Variants in ERBB4 observed in about 807,000 individuals in gnomAD.
ERBB4 encodes the protein receptor tyrosine-protein kinase erbB-4.
A neutral mutation model predicts 158.0 loss-of-function variants in ERBB4; 42 were observed. That is an observed-to-expected ratio of 0.27 (90% CI 0.21 to 0.34). The LOEUF (loss-of-function observed/expected upper bound fraction) is 0.34. Ranked by LOEUF, ERBB4 falls within the 10% of genes least tolerant of loss-of-function variation. ERBB4 has a pLI of 1.00. For missense variants in ERBB4, 1,333 were observed against 1,624.1 expected, an observed-to-expected ratio of 0.82 and a Z score of 3.08; for synonymous variants, 583 against 558.7, an observed-to-expected ratio of 1.04 and a Z score of -0.61.
rs994087621 is a variant in ERBB4 at position 211,551,385 on chromosome 2, T to G, written c.2487+10518A>C. Among the ~76,000 whole-genome samples the G allele has an allele frequency of 2.0e-5, 3 of 152,324 alleles. No homozygotes were observed. In the East Asian group the frequency reaches 5.8e-4, roughly 29 times the overall value. ...ATAATTACAATAAATTTATTTTGAT[T>G]TTAAGGGTGTATTGTCATTAAAGGG... On this transcript the variant is annotated intron_variant, in intron 20 of 27. Transcript: ENST00000342788.
At chr2:211,906,744 C>T (rs2079403658) in intron 3 of ERBB4, among the ~76,000 whole-genome samples, 1 of 151,620 alleles carries the variant, frequency 6.6e-6, no homozygotes, top group East Asian at 2.0e-4. Context: ...CTGTTATTCC[C>T]CTCTTTGTGT....
At chr2:211,876,786 G>A (rs2078514685) in intron 3 of ERBB4, among the ~76,000 whole-genome samples, 1 of 152,088 alleles carries the variant, frequency 6.6e-6, no homozygotes, top group Non-Finnish European at 1.5e-5. Flanking sequence ...GCTTTACACT[G>A]AAGATCGATC....
chr2:211,837,220 C>G (rs150097407), intron 3 of ERBB4, among the ~76,000 whole-genome samples: 266 of 152,158 alleles, frequency 1.7e-3, no homozygotes, highest in Non-Finnish European at 2.8e-3. Flanking sequence ...GATACTGAAT[C>G]TGTTCGATTC....
At chr2:211,471,107 A>C (rs1467936210) in intron 20 of ERBB4, among the ~76,000 whole-genome samples, 2 of 152,148 alleles carry the variant, frequency 1.3e-5, no homozygotes, top group East Asian at 3.9e-4. Flanking sequence ...AAGCCACTTA[A>C]GGAGGCCCGG....
intron 1 of ERBB4, among the ~76,000 whole-genome samples, chr2:212,350,482 AG>A (rs1481024571): frequency 3.9e-5 from 6 of 152,150 alleles, no homozygotes; most frequent in African/African-American, 1.2e-4. Flanking sequence ...TATTCTAGAA[AG>A]TTCTGCGTAA....
At chr2:211,759,806 AGTGTGTGTGT>A (rs67981670) in intron 4 of ERBB4, among the ~76,000 whole-genome samples, 24,114 of 149,978 alleles carry the variant, frequency 0.16, 2,178 homozygotes, top group Middle Eastern at 0.2. Context: ...CATTTTCTAG[AGTGTGTGTGT>A]GTGTGTGTGT....
At chr2:212,156,362 C>A (rs1181929899) in intron 1 of ERBB4, among the ~76,000 whole-genome samples, 1 of 151,848 alleles carries the variant, frequency 6.6e-6, no homozygotes, top group Non-Finnish European at 1.5e-5. Context: ...ATCAGTTCTG[C>A]CATGATTAGT....
chr2:211,667,273 G>C (rs1421493631), intron 14 of ERBB4, among the ~76,000 whole-genome samples: 1 of 151,958 alleles, frequency 6.6e-6, no homozygotes. Flanking sequence ...GTTACTTAAG[G>C]CATCAGAAAA....
rs775968920 is a variant in ERBB4, at chr2:211,877,546, C to T, written c.421+69884G>A. 2.6e-4 allele frequency among the ~76,000 whole-genome samples: 39 copies of T among 150,218 alleles called. 1 individual carries two copies. Among genetic ancestry groups the T allele is most frequent in the East Asian group, 5.8e-4 (3 of 5,170 alleles). ...TTTCTGAGAACGTATCTGATTATGC[C>T]GCCTTCCTCTTTAAAATGTCTTTTT... On this transcript the variant is annotated intron_variant, in intron 3 of 27. Coordinates refer to ENST00000342788, the MANE Select transcript of ERBB4 (RefSeq NM_005235.3).
At chr2:212,315,636 C>T (rs533968379) in intron 1 of ERBB4, among the ~76,000 whole-genome samples, 1 of 151,134 alleles carries the variant, frequency 6.6e-6, no homozygotes, top group Admixed American at 6.6e-5. Flanking sequence ...TACAAATATC[C>T]TGCCTTATCT....
intron 3 of ERBB4, among the ~76,000 whole-genome samples, chr2:211,909,504 C>G (rs2125051277): frequency 6.6e-6 from 1 of 151,850 alleles, no homozygotes; most frequent in East Asian, 2.0e-4. Flanking sequence ...GACTATAAAT[C>G]CGTACATTAT....
intron 5 of ERBB4, among the ~76,000 whole-genome samples, chr2:211,740,622 CTTTTTTT>C (rs1169540948): frequency 1.1e-3 from 98 of 90,160 alleles, no homozygotes; most frequent in Middle Eastern, 9.1e-3. Context: ...TTTTCTTTGT[CTTTTTTT>C]TTTTTTTTTT....
intron 7 of ERBB4, among the ~76,000 whole-genome samples, chr2:211,715,156 A>G (rs896318948): frequency 6.6e-6 from 1 of 152,216 alleles, no homozygotes; most frequent in Non-Finnish European, 1.5e-5. Flanking sequence ...GCTTGACCTT[A>G]GAATATATAT....
chr2:212,083,482 C>A (rs115025203), intron 2 of ERBB4, among the ~76,000 whole-genome samples: 1 of 151,718 alleles, frequency 6.6e-6, no homozygotes, highest in Non-Finnish European at 1.5e-5. Flanking sequence ...AAATGCAATT[C>A]GAAAATGACA....
intron 1 of ERBB4, among the ~76,000 whole-genome samples, chr2:212,367,180 A>T (rs561413554): frequency 1.4e-4 from 22 of 152,068 alleles, no homozygotes; most frequent in Non-Finnish European, 2.9e-4. Context: ...TCCTCAGAAC[A>T]AAACCTATCT....
intron 20 of ERBB4, among the ~76,000 whole-genome samples, chr2:211,531,104 T>C (rs2066487536): frequency 6.6e-6 from 1 of 152,110 alleles, no homozygotes; most frequent in South Asian, 2.1e-4. Context: ...GATAGCTAGA[T>C]ATCCATATCT....
intron 10 of ERBB4, 108 bp downstream of exon 10, chr2:211,705,210 C>T: frequency 1.3e-6 from 1 of 799,644 alleles, no homozygotes; most frequent in Non-Finnish European, 2.2e-6. Context: ...CCTCAACCTC[C>T]CTAAGTGCTG....
intron 1 of ERBB4, among the ~76,000 whole-genome samples, chr2:212,134,909 ATCTCCTGACCTCGTGAT>A (rs2080225385): frequency 6.6e-6 from 1 of 151,768 alleles, no homozygotes; most frequent in Admixed American, 6.6e-5. Context: ...GATGGTCTCG[ATCTCCTGACCTCGTGAT>A]CCGCCTGCCT....
intron 25 of ERBB4, among the ~76,000 whole-genome samples, chr2:211,389,911 A>G (rs2062766049): frequency 6.6e-6 from 1 of 152,248 alleles, no homozygotes; most frequent in Admixed American, 6.5e-5. Flanking sequence ...AATTTTTAAA[A>G]TAAAGCAATC....
Sources: allele counts gnomAD v4.1 joint callset (sites outside exome capture counted in the v4.1 genomes callset), GRCh38; gene constraint gnomAD v4.1.1; transcripts MANE v1.5; gene names NCBI Gene and HGNC (gene_info 2026-07-23, HGNC 2026-07-21).